ANO7: variants seen among roughly 807,000 people sequenced by gnomAD.
ANO7 encodes the protein anoctamin-7.
A neutral mutation model predicts 115.8 loss-of-function variants in ANO7; 114 were observed. The observed-to-expected ratio is 0.98, with a 90% CI of 0.85 to 1.15. The LOEUF is 1.15. Ranked by LOEUF, ANO7 falls within the 50% of genes most tolerant of loss-of-function variation. The pLI, the probability that ANO7 is intolerant of heterozygous loss-of-function variation, is 0.00. For missense variants in ANO7, 1,302 were observed against 1,201.2 expected, an observed-to-expected ratio of 1.08 and a Z score of -1.24; for synonymous variants, 550 against 498.2, an observed-to-expected ratio of 1.10 and a Z score of -1.38.
chr2:241,195,671 A>G (rs1243609156), intron 3 of ANO7, 32 bp from the exon 4 acceptor site: 2 of 1,606,114 alleles, frequency 1.2e-6, no homozygotes, highest in Admixed American at 1.7e-5. Context: ...CCACTTAGCC[A>G]GGCTCCTGCC....
intron 4 of ANO7, among the ~76,000 whole-genome samples, chr2:241,198,583 G>A (rs1319654207): frequency 1.3e-5 from 2 of 152,162 alleles, no homozygotes; most frequent in African/African-American, 4.8e-5. Context: ...AGAACATCAC[G>A]GCCAGCTGGG....
chr2:241,218,289 G>T lies in ANO7; in HGVS notation c.2229G>T (p.Arg743=). 6.5e-7 allele frequency: 1 copy of T among 1,535,952 alleles called. No homozygotes were observed. Among genetic ancestry groups the T allele is most frequent in the Non-Finnish European group, 8.7e-7 (1 of 1,148,980 alleles). Residue 743 remains arginine (R), a synonymous_variant, in exon 21 of 25, where the codon CGG becomes CGT. Transcript: ENST00000674324. ...ACTTCCTGCCGCGCGCCTACTACCGGTGGACCCGCGCCCACGACCTGCGCG... is the reference window on the plus strand; with the variant it reads ...ACTTCCTGCCGCGCGCCTACTACCGTTGGACCCGCGCCCACGACCTGCGCG... The part of the protein sequence containing the change: ...SSDFLPRAYY[R]WTRAHDLRGF...
the ANO7 span, among the ~76,000 whole-genome samples, chr2:241,234,882 A>G: frequency 6.6e-6 from 1 of 152,350 alleles, no homozygotes; most frequent in African/African-American, 2.4e-5. Context: ...GAGAAACTGC[A>G]AATTTACACG....
chr2:241,205,099 T>C, intron 10 of ANO7, 144 bp downstream of exon 10: 1 of 679,390 alleles, frequency 1.5e-6, no homozygotes, highest in Non-Finnish European at 2.5e-6. Flanking sequence ...ATGCCTGTCT[T>C]CAGGAGTGTC....
Position 241,190,068 on chromosome 2 carries a change from T to TG in ANO7, c.6dup (p.Arg3AlafsTer19). On this transcript the variant is annotated frameshift_variant, in exon 2 of 25. Transcript: ENST00000674324. LOFTEE classifies it high-confidence loss of function. ...CTTGCTGGGTGCAGGAGCAGGATGC[T>TG]GCGGCGACGGGCCCAGGAAGAGGAC... is the stretch of plus-strand genomic sequence containing the variant. The TG allele has an allele frequency of 6.4e-7, 1 of 1,573,568 alleles. No individual in the cohort carries two copies.
Position 241,212,633 on chromosome 2 carries a change from G to A in ANO7, c.1728+7G>A, listed in dbSNP as rs1172181780. On this transcript the variant is annotated splice_region_variant and intron_variant, in intron 17 of 24. Transcript: ENST00000674324. ...TGGAGTCCGCAATGAGGAGGTGAGTGTGCCTGAGGCCCGGGACTGGGGGAT... is the reference window on the plus strand; with the variant it reads ...TGGAGTCCGCAATGAGGAGGTGAGTATGCCTGAGGCCCGGGACTGGGGGAT... The A allele has an allele frequency of 1.9e-6, 3 of 1,611,756 alleles. No homozygotes were observed. The highest frequency in any genetic ancestry group is 3.3e-5 in the Admixed American group (2 of 59,762).
chr2:241,218,890 T>C (rs1324128249), intron 21 of ANO7, among the ~76,000 whole-genome samples: 4 of 152,236 alleles, frequency 2.6e-5, no homozygotes, highest in Non-Finnish European at 4.4e-5. Context: ...TGCTTTCTCA[T>C]ACAGCGTCTG....
At chr2:241,230,500 G>A (rs749371195), downstream of ANO7, among the ~76,000 whole-genome samples, 2 of 152,236 alleles carry the variant, frequency 1.3e-5, no homozygotes, top group African/African-American at 2.4e-5. This position sits in a 1 kb window ranked among gnomAD's most constrained non-coding sequence, Gnocchi z 5.0. Flanking sequence ...GCTCTTGCAT[G>A]AAATTCCCAC....
At chr2:241,238,791 G>A in the ANO7 span, 3 of 1,490,208 alleles carry the variant, frequency 2.0e-6, no homozygotes, top group African/African-American at 2.8e-5. The surrounding 1 kb of genome is among the most constrained non-coding windows in gnomAD (Gnocchi z 4.9). Context: ...GAGCTTCCTG[G>A]AGGGAGGTAC....
chr2:241,235,082 C>T, the ANO7 span: 2 of 1,604,998 alleles, frequency 1.2e-6, no homozygotes, highest in African/African-American at 1.3e-5. Flanking sequence ...AAGCTGAGCA[C>T]CATGGCTCTG....
rs776889876 is a variant in ANO7, at chr2:241,201,369, C to T, written c.612+14C>T. The T allele has an allele frequency of 1.3e-5, 21 of 1,610,532 alleles. No homozygotes were observed. The highest frequency in any genetic ancestry group is 1.7e-5 in the Non-Finnish European group (20 of 1,178,422). On this transcript the variant is annotated intron_variant, in intron 7 of 24. Coordinates refer to ENST00000674324, the MANE Select transcript of ANO7 (RefSeq NM_001370694.2). ...AGGCACCAAATTGTGAGTGGGGGTT[C>T]CCTGCCGCGGGCCCCAAACCCTGAC... is the stretch of plus-strand genomic sequence containing the variant.
chr2:241,222,907 A>G (rs928571859), intron 21 of ANO7, among the ~76,000 whole-genome samples: 2 of 152,170 alleles, frequency 1.3e-5, no homozygotes, highest in African/African-American at 4.8e-5. Flanking sequence ...CTACTAGAAA[A>G]TAAAGCATCT....
At position 241,214,929 on chromosome 2, in the gene ANO7, G is replaced by A. The variant is rs878861902; in HGVS notation, c.1826+27G>A. The A allele has an allele frequency of 2.5e-6, 4 of 1,601,652 alleles. No homozygotes were observed. The East Asian group carries it at 6.7e-5, about 27-fold the overall frequency. On this transcript the variant is annotated intron_variant, in intron 18 of 24. Coordinates refer to ENST00000674324, the MANE Select transcript of ANO7 (RefSeq NM_001370694.2). ...TGAGTCCCCCACTCCTCCCTGGGTG[G>A]CATCCAAGGACCGAGGGACCCCAGA...
At chr2:241,237,728 C>CGT in the ANO7 span, among the ~76,000 whole-genome samples, 32 of 151,988 alleles carry the variant, frequency 2.1e-4, no homozygotes, top group South Asian at 6.2e-4. Context: ...AGAAAAAAAA[C>CGT]GTGTGTAAAA....
chr2:241,226,146 G>A (rs1485935119), downstream of ANO7, among the ~76,000 whole-genome samples: 1 of 151,486 alleles, frequency 6.6e-6, no homozygotes, highest in African/African-American at 2.4e-5. Flanking sequence ...TCCCATCCAG[G>A]GCCCTGATGC....
In ANO7 at chr2:241,214,883, A is replaced by G. The variant is rs748977773; in HGVS notation, c.1807A>G (p.Met603Val). ...IMVGKQVINN[M>V]QEVLIPKLKG... ...GGTGGGCAAGCAGGTCATCAACAAC[A>G]TGCAGGAGGTCCTCATCCCGTGAGT... Residue 603 changes from methionine to valine, a missense_variant, in exon 18 of 25, where the codon ATG (methionine) becomes GTG (valine). Transcript: ENST00000674324. 1 of 1,612,676 alleles carries G rather than the reference A, an allele frequency of 6.2e-7. No homozygotes were observed. The highest frequency in any genetic ancestry group is 8.5e-7 in the Non-Finnish European group (1 of 1,179,876).
At position 241,199,352 on chromosome 2, in the gene ANO7, GC is replaced by G; in HGVS notation, c.349del (p.Leu117SerfsTer18). The G allele has an allele frequency of 6.2e-7, 1 of 1,613,680 alleles. No individual in the cohort carries two copies. Among genetic ancestry groups the G allele is most frequent in the Non-Finnish European group, 8.5e-7 (1 of 1,180,006 alleles). On this transcript the variant is annotated frameshift_variant, in exon 5 of 25. Transcript: ENST00000674324. LOFTEE classifies it high-confidence loss of function. Reference protein sequence around the residue: ...VQDGNTTVHYALLSASWAVLC... With the variant: ...VQDGNTTVHYXLLSASWAVLC... ...GGACGGGAACACCACAGTGCACTAC[GC>G]CCTCCTCAGCGCCTCCTGGGCTGTG...
chr2:241,203,169 C>T lies in ANO7; in HGVS notation c.724-164C>T, dbSNP rs1282066208. On this transcript the variant is annotated intron_variant, in intron 8 of 24. Coordinates refer to ENST00000674324, the MANE Select transcript of ANO7 (RefSeq NM_001370694.2). This position sits in a 1 kb window ranked among gnomAD's most constrained non-coding sequence, Gnocchi z 4.8. ...CCTCCTCAGAGAGGTCCTCCCGGAC[C>T]ACCCTGTACCCACCCCTCCACATTA... Among the ~76,000 whole-genome samples the T allele has an allele frequency of 6.6e-6, 1 of 152,122 alleles. No individual in the cohort carries two copies. The highest frequency in any genetic ancestry group is 2.4e-5 in the African/African-American group (1 of 41,410).
downstream of ANO7, chr2:241,227,226 T>G (rs1261845371): frequency 6.6e-6 from 1 of 152,394 alleles, no homozygotes; most frequent in South Asian, 2.1e-4. Context: ...CAGTCACCAC[T>G]CCAGGGTGAC....
Sources: gnomAD v4.1 joint callset for allele counts (sites outside exome capture counted in the v4.1 genomes callset) on GRCh38, gnomAD v4.1.1 for gene constraint, Gnocchi (gnomAD v3.1) non-coding constraint, MANE v1.5 for transcripts, NCBI Gene and HGNC (gene_info 2026-07-23, HGNC 2026-07-21) for gene names.